Variants in COL7A1 observed in about 807,000 individuals in gnomAD.
The protein encoded by COL7A1 is collagen alpha-1(VII) chain.
Under a neutral mutation model 456.2 loss-of-function variants are expected in COL7A1, and 296 were observed. The ratio of observed to expected loss-of-function variants is 0.65; its 90% CI spans 0.59 to 0.71. The LOEUF is 0.71. Among genes scored for constraint, COL7A1 ranks in the 30% least tolerant of loss-of-function variants. The pLI is 0.00. For synonymous variants in COL7A1, 1,464 were observed against 1,525.9 expected (o/e 0.96, Z 0.95); for missense variants, 3,441 against 4,017.2 (o/e 0.86, Z 3.88).
chr3:48,582,427 A>C, intron 46 of COL7A1, 51 bp downstream of exon 46: 1 of 1,614,106 alleles, frequency 6.2e-7, no homozygotes, highest in South Asian at 1.1e-5. Context: ...CCAGTGTCCC[A>C]TCTGCCACAT....
rs545650545 is a variant in COL7A1 at position 48,564,244 on chromosome 3, G to C, written c.*162C>G. The stretch of plus-strand genomic sequence containing the variant: ...AGCCACAATGGGGGTTTGTCCACAG[G>C]GGGGAAGGCTAGACCCACGGGACCA... On this transcript the variant is annotated 3_prime_UTR_variant, in exon 119 of 119. Coordinates refer to ENST00000681320, the MANE Select transcript of COL7A1 (RefSeq NM_000094.4). The surrounding 1 kb of genome is among the most constrained non-coding windows in gnomAD (Gnocchi z 6.0). 7.7e-5 allele frequency: 65 copies of C among 847,316 alleles called. No individual in the cohort carries two copies. The highest frequency in any genetic ancestry group is 5.5e-4 in the African/African-American group (33 of 59,752). 52.5% of individuals were successfully genotyped at this position (847,316 alleles called of 1,614,324 possible).
Position 48,581,237 on chromosome 3 carries a change from CT to C in COL7A1, c.4899+22del, listed in dbSNP as rs2044735243. 1 of 1,612,688 alleles carries C rather than the reference CT, an allele frequency of 6.2e-7. No homozygotes were observed. The highest frequency in any genetic ancestry group is 8.5e-7 in the Non-Finnish European group (1 of 1,179,536). On this transcript the variant is annotated intron_variant, in intron 52 of 118. Transcript: ENST00000681320. The surrounding 1 kb of genome is among the most constrained non-coding windows in gnomAD (Gnocchi z 5.8). ...AGCCCTACTCCCTTACCCGCCATGA[CT>C]CCCCCGACTCCAGCCTCTTACATCT...
At position 48,586,573 on chromosome 3, in the gene COL7A1, C is replaced by T. The variant is rs1309953104; in HGVS notation, c.3393G>A (p.Gly1131=). ...IRDMPYMDPS[G]NNLGTAVVTA... is the part of the protein sequence containing the mutation. ...TGCTGCAGTCCTCACCCAGGTTGTT[C>T]CCACTTGGGTCCATGTAGGGCATGT... The change falls in exon 26 of 119, where the codon GGG becomes GGA. Residue 1131 remains glycine, a synonymous_variant. Coordinates refer to ENST00000681320, the MANE Select transcript of COL7A1 (RefSeq NM_000094.4). This position sits in a 1 kb window ranked among gnomAD's most constrained non-coding sequence, Gnocchi z 5.1. The T allele has an allele frequency of 1.2e-6, 2 of 1,613,780 alleles. No individual in the cohort carries two copies. Among genetic ancestry groups the T allele is most frequent in the South Asian group, 2.2e-5 (2 of 91,072 alleles).
chr3:48,579,334 G>T lies in COL7A1; in HGVS notation c.5307+35C>A, dbSNP rs372624735. 6.2e-7 allele frequency: 1 copy of T among 1,614,060 alleles called. No homozygotes were observed. Among genetic ancestry groups the T allele is most frequent in the African/African-American group, 1.3e-5 (1 of 74,924 alleles). On this transcript the variant is annotated intron_variant, in intron 61 of 118. Transcript: ENST00000681320. This position sits in a 1 kb window ranked among gnomAD's most constrained non-coding sequence, Gnocchi z 4.4. ...AGGCTGAGGTGGATCTGATAACCCA[G>T]GCTCATGTCCTGAGAAACCCCCACA... is the stretch of plus-strand genomic sequence containing the variant.
In COL7A1 at chr3:48,579,605, C is replaced by T; in HGVS notation, c.5218G>A (p.Gly1740Arg). ...RGPKGDPGLPGAPGERGIEGF... is the reference protein window; with the variant it reads ...RGPKGDPGLPRAPGERGIEGF... The stretch of plus-strand genomic sequence containing the variant: ...ACACTCACCCTTTCCCCAGGGGCTC[C>T]AGGGAGGCCAGGATCACCCTTGGGC... Residue 1740 changes from glycine (G) to arginine (R), a missense_variant, in exon 59 of 119, where the codon GGA becomes AGA. Gly to Arg is a moderately radical substitution (Grantham distance 125). This residue lies in a region of COL7A1 where 2,084 missense variants were observed against 2,501.3 expected (regional missense o/e 0.83). Transcript: ENST00000681320. The surrounding 1 kb of genome is among the most constrained non-coding windows in gnomAD (Gnocchi z 4.4). The T allele has an allele frequency of 6.2e-7, 1 of 1,613,830 alleles. No individual in the cohort carries two copies. Among genetic ancestry groups the T allele is most frequent in the Non-Finnish European group, 8.5e-7 (1 of 1,179,996 alleles).
Position 48,574,945 on chromosome 3 carries a change from A to T in COL7A1, c.6280-80T>A. ...GTCATCACAGATCTCAGGATCACAG[A>T]GGGTTATAGGGTCAGAAATTCCAGG... is the stretch of plus-strand genomic sequence containing the variant. On this transcript the variant is annotated intron_variant, in intron 76 of 118. Coordinates refer to ENST00000681320, the MANE Select transcript of COL7A1 (RefSeq NM_000094.4). The surrounding 1 kb of genome is among the most constrained non-coding windows in gnomAD (Gnocchi z 5.0). 2 of 1,583,616 alleles carry T rather than the reference A, an allele frequency of 1.3e-6. No homozygotes were observed. Among genetic ancestry groups the T allele is most frequent in the South Asian group, 2.2e-5 (2 of 89,984 alleles).
rs1174015670 is a variant in COL7A1, at chr3:48,572,322, T to C, written c.6978+58A>G. On this transcript the variant is annotated intron_variant, in intron 90 of 118. Transcript: ENST00000681320. This position sits in a 1 kb window ranked among gnomAD's most constrained non-coding sequence, Gnocchi z 4.6. The stretch of plus-strand genomic sequence containing the variant: ...AAACTATGGGTCGAAGGTCAGAAGT[T>C]AGGCCACTGGAGAGACAGGACCCCC... The C allele has an allele frequency of 6.2e-7, 1 of 1,613,654 alleles. No individual in the cohort carries two copies. The highest frequency in any genetic ancestry group is 1.3e-5 in the African/African-American group (1 of 74,868).
rs1192561472 is a variant in COL7A1, at chr3:48,564,434, A to G, written c.8819-12T>C. The G allele has an allele frequency of 6.2e-7, 1 of 1,613,890 alleles. No individual in the cohort carries two copies. Among genetic ancestry groups the G allele is most frequent in the Non-Finnish European group, 8.5e-7 (1 of 1,179,936 alleles). ...GTCCTGGGCAGTACCTGGTGAGGAC[A>G]GGTTGGAAACGGTCGTCAGCCATCT... On this transcript the variant is annotated splice_polypyrimidine_tract_variant and intron_variant, in intron 118 of 118. Coordinates refer to ENST00000681320, the MANE Select transcript of COL7A1 (RefSeq NM_000094.4). This position sits in a 1 kb window ranked among gnomAD's most constrained non-coding sequence, Gnocchi z 6.0.
rs781385246 is a variant in COL7A1, at chr3:48,572,532, C to T, written c.6907G>A (p.Val2303Ile). The T allele has an allele frequency of 1.9e-6, 3 of 1,613,624 alleles. No homozygotes were observed. The highest frequency in any genetic ancestry group is 1.7e-6 in the Non-Finnish European group (2 of 1,179,790). ...GPTGAPGQAV[V>I]GLPGAKGEKG... ...TCTCCCTTTGCTCCAGGGAGCCCGA[C>T]CACAGCCTGTGGGGAATGCTAGTGA... Residue 2303 changes from valine to isoleucine, a missense_variant, in exon 89 of 119, where the codon GTC becomes ATC. Coordinates refer to ENST00000681320, the MANE Select transcript of COL7A1 (RefSeq NM_000094.4). This position sits in a 1 kb window ranked among gnomAD's most constrained non-coding sequence, Gnocchi z 4.6.
At position 48,572,227 on chromosome 3, in the gene COL7A1, C is replaced by T. The variant is rs1450260109; in HGVS notation, c.6979-56G>A. On this transcript the variant is annotated intron_variant, in intron 90 of 118. Transcript: ENST00000681320. This position sits in a 1 kb window ranked among gnomAD's most constrained non-coding sequence, Gnocchi z 4.6. ...CATCAGTCACAGAAAGATGAGACTC[C>T]GGAGGGAGGCATGGGGCCAGAGCTT... The T allele has an allele frequency of 8.7e-6, 14 of 1,613,054 alleles. No individual in the cohort carries two copies. The highest frequency in any genetic ancestry group is 3.3e-5 in the South Asian group (3 of 91,048).
In COL7A1 at chr3:48,590,293, G is replaced by A; in HGVS notation, c.1970C>T (p.Pro657Leu). 1 of 1,614,056 alleles carries A rather than the reference G, an allele frequency of 6.2e-7. No homozygotes were observed. Among genetic ancestry groups the A allele is most frequent in the Non-Finnish European group, 8.5e-7 (1 of 1,179,998 alleles). Residue 657 changes from proline (P) to leucine (L), a missense_variant, in exon 16 of 119, where the codon CCT becomes CTT. This residue lies in a region of COL7A1 where 913 missense variants were observed against 1,088.2 expected (regional missense o/e 0.84). Transcript: ENST00000681320. The surrounding 1 kb of genome is among the most constrained non-coding windows in gnomAD (Gnocchi z 4.6). ...STATDITGLQ[P>L]GTTYQVAVSV... is the part of the protein sequence containing the mutation. Reference sequence around the variant, plus strand: ...CACAGCCACCTGGTAGGTGGTTCCAGGCTGCAGCCCTGTGATGTCTGTGGC... The same window carrying A: ...CACAGCCACCTGGTAGGTGGTTCCAAGCTGCAGCCCTGTGATGTCTGTGGC...
In COL7A1 at chr3:48,590,565, A is replaced by G. The variant is rs1179422530; in HGVS notation, c.1800T>C (p.Ala600=). The change falls in exon 15 of 119, where the codon GCT becomes GCC. Residue 600 remains alanine, a synonymous_variant. Coordinates refer to ENST00000681320, the MANE Select transcript of COL7A1 (RefSeq NM_000094.4). The surrounding 1 kb of genome is among the most constrained non-coding windows in gnomAD (Gnocchi z 4.6). ...ACACCACAACCCGCAGCCCTGGAACAGCAAGTGGAGTTTCCGGCTCTAGGA... is the reference window on the plus strand; with the variant it reads ...ACACCACAACCCGCAGCCCTGGAACGGCAAGTGGAGTTTCCGGCTCTAGGA... The part of the protein sequence containing the change: ...TVRREPETPL[A]VPGLRVVVSD... 1 of 1,614,064 alleles carries G rather than the reference A, an allele frequency of 6.2e-7. No homozygotes were observed. The highest frequency in any genetic ancestry group is 8.5e-7 in the Non-Finnish European group (1 of 1,180,048).
Position 48,572,480 on chromosome 3 carries a change from C to T in COL7A1, c.6936+23G>A, listed in dbSNP as rs767119241. On this transcript the variant is annotated intron_variant, in intron 89 of 118. Coordinates refer to ENST00000681320, the MANE Select transcript of COL7A1 (RefSeq NM_000094.4). The surrounding 1 kb of genome is among the most constrained non-coding windows in gnomAD (Gnocchi z 4.6). ...GCCCCCACCAGTTGACCCCCCCTCA[C>T]TGGCAGCCCCACACACACTCACCTT... The T allele has an allele frequency of 1.5e-5, 24 of 1,613,752 alleles. No homozygotes were observed. In the Admixed American group the frequency reaches 4.0e-4, roughly 27 times the overall value.
Position 48,565,247 on chromosome 3 carries a change from G to A in COL7A1, c.8528-46C>T, listed in dbSNP as rs772690795. The A allele has an allele frequency of 6.4e-6, 10 of 1,562,668 alleles. No homozygotes were observed. The highest frequency in any genetic ancestry group is 5.4e-5 in the African/African-American group (4 of 73,856). On this transcript the variant is annotated intron_variant, in intron 116 of 118. Coordinates refer to ENST00000681320, the MANE Select transcript of COL7A1 (RefSeq NM_000094.4). This position sits in a 1 kb window ranked among gnomAD's most constrained non-coding sequence, Gnocchi z 4.5. Reference sequence around the variant, plus strand: ...GCTGGGAGCAGTGGCTGCTGGCCCCGGGGCAAGGTGGGCAGCACTGATTTC... The same window carrying A: ...GCTGGGAGCAGTGGCTGCTGGCCCCAGGGCAAGGTGGGCAGCACTGATTTC...
Position 48,572,240 on chromosome 3 carries a change from G to A in COL7A1, c.6979-69C>T. ...AAGATGAGACTCCGGAGGGAGGCAT[G>A]GGGCCAGAGCTTAAATATGCGGTCT... On this transcript the variant is annotated intron_variant, in intron 90 of 118. Transcript: ENST00000681320. This position sits in a 1 kb window ranked among gnomAD's most constrained non-coding sequence, Gnocchi z 4.6. The A allele has an allele frequency of 6.2e-7, 1 of 1,612,382 alleles. No individual in the cohort carries two copies. The highest frequency in any genetic ancestry group is 8.5e-7 in the Non-Finnish European group (1 of 1,178,496).
rs770684335 is a variant in COL7A1 at position 48,567,472 on chromosome 3, C to T, written c.8046+102G>A. 13 of 1,533,410 alleles carry T rather than the reference C, an allele frequency of 8.5e-6. No individual in the cohort carries two copies. The highest frequency in any genetic ancestry group is 1.2e-5 in the Non-Finnish European group (13 of 1,108,128). The allele number at this position is 1,533,410 out of a possible 1,614,324, so 95.0% of individuals were successfully genotyped here. ...CCCACTTCAGCCCCCAAAGTCCCAACCCTCTACAGCCTTCCTTGTCCCTAC... is the reference window on the plus strand; with the variant it reads ...CCCACTTCAGCCCCCAAAGTCCCAATCCTCTACAGCCTTCCTTGTCCCTAC... On this transcript the variant is annotated intron_variant, in intron 109 of 118. Transcript: ENST00000681320. This position sits in a 1 kb window ranked among gnomAD's most constrained non-coding sequence, Gnocchi z 4.3.
chr3:48,594,486 C>T lies in COL7A1; in HGVS notation c.148G>A (p.Gly50Ser). The T allele has an allele frequency of 6.2e-7, 1 of 1,612,344 alleles. No individual in the cohort carries two copies. Among genetic ancestry groups the T allele is most frequent in the African/African-American group, 1.3e-5 (1 of 75,002 alleles). ...VFLLDGSSSI[G>S]RSNFREVRSF... ...CGGACCTCGCGGAAATTGCTGCGGC[C>T]AATGGATGAGGAGCCATCCAGTAAG... is the stretch of plus-strand genomic sequence containing the variant. The change falls in exon 3 of 119, where the codon GGC (glycine) becomes AGC (serine). Residue 50 changes from glycine (G) to serine (S), a missense_variant. By Grantham distance (56) the Gly-to-Ser change is moderately conservative. This residue lies in a region of COL7A1 where 913 missense variants were observed against 1,088.2 expected (regional missense o/e 0.84). Transcript: ENST00000681320. This position sits in a 1 kb window ranked among gnomAD's most constrained non-coding sequence, Gnocchi z 5.5.
At position 48,587,048 on chromosome 3, in the gene COL7A1, T is replaced by C. The variant is rs1358670170; in HGVS notation, c.3200A>G (p.His1067Arg). The C allele has an allele frequency of 1.2e-6, 2 of 1,609,278 alleles. No individual in the cohort carries two copies. The highest frequency in any genetic ancestry group is 1.7e-6 in the Non-Finnish European group (2 of 1,177,878). The change falls in exon 25 of 119, where the codon CAC becomes CGC. Residue 1067 changes from histidine to arginine, a missense_variant. Around this residue, in one of 3 missense-constraint regions of COL7A1, gnomAD observed 444 missense variants for 427.6 expected, o/e 1.04. Transcript: ENST00000681320. The surrounding 1 kb of genome is among the most constrained non-coding windows in gnomAD (Gnocchi z 6.1). ...GACCCTCCTCGTAGCCTCCGCACGGTGAGCATTGTCTTGAGTGGCATGTGG... is the reference window on the plus strand; with the variant it reads ...GACCCTCCTCGTAGCCTCCGCACGGCGAGCATTGTCTTGAGTGGCATGTGG... ...FLPHATQDNA[H>R]RAEATRRVLE...
Position 48,583,524 on chromosome 3 carries a change from C to T in COL7A1, c.4401+32G>A. On this transcript the variant is annotated intron_variant, in intron 41 of 118. Coordinates refer to ENST00000681320, the MANE Select transcript of COL7A1 (RefSeq NM_000094.4). This position sits in a 1 kb window ranked among gnomAD's most constrained non-coding sequence, Gnocchi z 5.1. Reference sequence around the variant, plus strand: ...GAGGTAGGGGCTGGAGCTGTGCCCACCATATTCAGAATCCCTGGCCCCTCC... The same window carrying T: ...GAGGTAGGGGCTGGAGCTGTGCCCATCATATTCAGAATCCCTGGCCCCTCC... 2 of 1,613,854 alleles carry T rather than the reference C, an allele frequency of 1.2e-6. No homozygotes were observed. Among genetic ancestry groups the T allele is most frequent in the Admixed American group, 1.7e-5 (1 of 60,028 alleles).
Sources: gnomAD v4.1 joint callset for allele counts on GRCh38, gnomAD v4.1.1 for gene constraint, gnomAD v4.1.1 regional missense constraint, Gnocchi (gnomAD v3.1) non-coding constraint, MANE v1.5 for transcripts, NCBI Gene and HGNC (gene_info 2026-07-23, HGNC 2026-07-21) for gene names.